Variants in NTRK3 observed in about 807,000 individuals in gnomAD.
The protein encoded by NTRK3 is NT-3 growth factor receptor.
A neutral mutation model predicts 91.7 loss-of-function variants in NTRK3; 24 were observed. That is an observed-to-expected ratio of 0.26 (90% confidence interval 0.19 to 0.37). NTRK3 has a LOEUF of 0.37. Among genes scored for constraint, NTRK3 ranks in the 10% least tolerant of loss-of-function variants. NTRK3 has a pLI of 1.00. For synonymous variants in NTRK3, 483 were observed against 404.0 expected, an observed-to-expected ratio of 1.20 and a Z score of -2.34; for missense variants, 880 against 1,068.9, an observed-to-expected ratio of 0.82 and a Z score of 2.46.
At chr15:88,145,767 A>G (rs1301137191) in intron 6 of NTRK3, among the ~76,000 whole-genome samples, 1 of 152,166 alleles carries the variant, frequency 6.6e-6, no homozygotes, top group African/African-American at 2.4e-5. Context: ...GTTCCAGAAT[A>G]ATTACATGCA....
intron 3 of NTRK3, among the ~76,000 whole-genome samples, chr15:88,196,858 T>C (rs1166216558): frequency 1.3e-5 from 2 of 152,180 alleles, no homozygotes; most frequent in African/African-American, 4.8e-5. Flanking sequence ...ACCTGTCTCC[T>C]GTCCTGAAGT....
At chr15:87,961,367 C>T (rs191307443) in intron 14 of NTRK3, among the ~76,000 whole-genome samples, 7 of 152,344 alleles carry the variant, frequency 4.6e-5, no homozygotes, top group Non-Finnish European at 8.8e-5. Flanking sequence ...CCACCGATCC[C>T]TAAAAAACTC....
intron 17 of NTRK3, among the ~76,000 whole-genome samples, chr15:87,884,382 G>T (rs564522413): frequency 6.7e-6 from 1 of 150,024 alleles, no homozygotes; most frequent in South Asian, 2.1e-4. Flanking sequence ...TAGTTTTCTG[G>T]TTGAGTTCTA....
intron 13 of NTRK3, among the ~76,000 whole-genome samples, chr15:88,079,544 G>A (rs1406610789): frequency 7.9e-5 from 12 of 152,196 alleles, no homozygotes; most frequent in Non-Finnish European, 1.6e-4. Context: ...GAGCAGACTT[G>A]AGCATACAGC....
intron 14 of NTRK3, among the ~76,000 whole-genome samples, chr15:88,014,094 A>G (rs2077066489): frequency 6.6e-6 from 1 of 152,240 alleles, no homozygotes; most frequent in African/African-American, 2.4e-5. Flanking sequence ...AGAATTTGTA[A>G]AAGTGTTGGA....
chr15:88,170,378 A>G (rs1053509820), intron 5 of NTRK3, among the ~76,000 whole-genome samples: 3 of 152,214 alleles, frequency 2.0e-5, no homozygotes, highest in African/African-American at 7.2e-5. Flanking sequence ...AAAACCCAAG[A>G]GGATAAAGTC....
intron 4 of NTRK3, 24 bp downstream of exon 4, chr15:88,184,201 C>T (rs771641303): frequency 1.9e-6 from 3 of 1,612,148 alleles, no homozygotes; most frequent in African/African-American, 2.7e-5. Flanking sequence ...AGGGAAAGGC[C>T]TCTCTGTGGC....
intron 14 of NTRK3, among the ~76,000 whole-genome samples, chr15:88,003,809 T>C (rs941504867): frequency 2.0e-5 from 3 of 151,172 alleles, no homozygotes; most frequent in Non-Finnish European, 2.9e-5. Flanking sequence ...AGGAACCAAC[T>C]GTTATGATAT....
chr15:88,174,056 G>A (rs911945713), intron 5 of NTRK3, among the ~76,000 whole-genome samples: 1 of 152,234 alleles, frequency 6.6e-6, no homozygotes, highest in Non-Finnish European at 1.5e-5. Context: ...GCATTGGAAT[G>A]CCTGCCCCTC....
chr15:88,148,865 G>A (rs1009651335), intron 5 of NTRK3, among the ~76,000 whole-genome samples: 1 of 152,168 alleles, frequency 6.6e-6, no homozygotes, highest in African/African-American at 2.4e-5. Flanking sequence ...GGTGTTAGAG[G>A]TAGAGCTGCC....
chr15:88,172,633 G>A (rs1030410035), intron 5 of NTRK3, among the ~76,000 whole-genome samples: 1 of 152,252 alleles, frequency 6.6e-6, no homozygotes, highest in African/African-American at 2.4e-5. Flanking sequence ...TCTCCAAGAA[G>A]AGGTTAGGGT....
chr15:87,981,847 G>A (rs547797403), intron 14 of NTRK3, among the ~76,000 whole-genome samples: 2 of 152,186 alleles, frequency 1.3e-5, no homozygotes, highest in African/African-American at 2.4e-5. Context: ...GTGACAAGGC[G>A]GGGATGATGA....
chr15:87,928,777 A>C, intron 17 of NTRK3: 1 of 267,314 alleles, frequency 3.7e-6, no homozygotes, highest in Non-Finnish European at 7.1e-6. Flanking sequence ...ATTTCAGAGA[A>C]TAAAATGTGT....
chr15:88,056,980 C>T (rs1223741923), intron 13 of NTRK3, among the ~76,000 whole-genome samples: 1 of 151,542 alleles, frequency 6.6e-6, no homozygotes, highest in African/African-American at 2.4e-5. Flanking sequence ...ACCATCCTCG[C>T]TAACACGGTG....
chr15:88,091,666 G>C (rs1391559028), intron 13 of NTRK3, among the ~76,000 whole-genome samples: 1 of 152,176 alleles, frequency 6.6e-6, no homozygotes, highest in African/African-American at 2.4e-5. Context: ...GGGCACAAGA[G>C]TAGGGAGATC....
chr15:88,076,014 T>G (rs150581258), intron 13 of NTRK3, among the ~76,000 whole-genome samples: 102 of 152,364 alleles, frequency 6.7e-4, no homozygotes, highest in African/African-American at 2.2e-3. Flanking sequence ...GTGGTGCTAT[T>G]GTTGTAGATT....
At chr15:88,107,444 A>G (rs1040587206) in intron 13 of NTRK3, among the ~76,000 whole-genome samples, 3 of 152,230 alleles carry the variant, frequency 2.0e-5, no homozygotes, top group Non-Finnish European at 4.4e-5. Flanking sequence ...CCACGTCTCA[A>G]AAAGAAAATC....
chr15:88,100,978 A>G (rs2050114967), intron 13 of NTRK3, among the ~76,000 whole-genome samples: 2 of 152,228 alleles, frequency 1.3e-5, no homozygotes, highest in South Asian at 4.1e-4. Context: ...TGTCTAAAAC[A>G]CCAAAAGCAA....
At chr15:87,921,859 T>C (rs1269745285) in intron 17 of NTRK3, among the ~76,000 whole-genome samples, 1 of 151,454 alleles carries the variant, frequency 6.6e-6, no homozygotes, top group African/African-American at 2.4e-5. Flanking sequence ...AATCTTGCTA[T>C]AAAGATTAGG....
Sources: gnomAD v4.1 joint callset for allele counts (sites outside exome capture counted in the v4.1 genomes callset) on GRCh38, gnomAD v4.1.1 for gene constraint, MANE v1.5 for transcripts, NCBI Gene and HGNC (gene_info 2026-07-23, HGNC 2026-07-21) for gene names.